GTF2I: variants seen among roughly 807,000 people sequenced by gnomAD.
GTF2I encodes general transcription factor IIi, also known as general transcription factor II-I.
A neutral mutation model predicts 67.6 loss-of-function variants in GTF2I; 12 were observed. The ratio of observed to expected loss-of-function variants is 0.18; its 90% CI spans 0.11 to 0.29. The LOEUF (loss-of-function observed/expected upper bound fraction) is 0.29. GTF2I is among the 10% of genes least tolerant of loss of function. The pLI is 1.00. For synonymous variants in GTF2I, 149 were observed against 197.0 expected (o/e 0.76, Z 2.04); for missense variants, 271 against 580.1 (o/e 0.47, Z 5.47).
intron 6 of GTF2I, among the ~76,000 whole-genome samples, chr7:74,702,508 C>T (rs117258034): frequency 6.6e-6 from 1 of 152,202 alleles, no homozygotes; most frequent in East Asian, 1.9e-4. Flanking sequence ...AGGCGTGAGC[C>T]ATCGCGCCCT....
intron 1 of GTF2I, among the ~76,000 whole-genome samples, chr7:74,673,793 G>A (rs148084628): frequency 0.035 from 5,144 of 146,268 alleles, 107 homozygotes; most frequent in Non-Finnish European, 0.047. Context: ...CGATTCTCCC[G>A]CCTCAGCCTC....
chr7:74,674,774 C>A (rs1554391841), intron 1 of GTF2I, among the ~76,000 whole-genome samples: 1 of 151,120 alleles, frequency 6.6e-6, no homozygotes, highest in African/African-American at 2.4e-5. Flanking sequence ...CTTGAACTCC[C>A]AACCTCAGGT....
intron 1 of GTF2I, among the ~76,000 whole-genome samples, chr7:74,682,088 A>T (rs1787326325): frequency 6.6e-6 from 1 of 152,186 alleles, no homozygotes; most frequent in Admixed American, 6.6e-5. Context: ...ATCTAGCTAT[A>T]TGTGGAGCCA....
intron 14 of GTF2I, among the ~76,000 whole-genome samples, chr7:74,731,299 A>G (rs1381832352): frequency 7.1e-6 from 1 of 141,744 alleles, no homozygotes; most frequent in Non-Finnish European, 1.5e-5. Context: ...AATTGCTATA[A>G]GTGAAAATTT....
intron 1 of GTF2I, among the ~76,000 whole-genome samples, chr7:74,681,463 A>AAAAATGGG (rs1210854121): frequency 1.3e-5 from 2 of 152,040 alleles, no homozygotes; most frequent in African/African-American, 2.4e-5. Context: ...AAAAAGAAAA[A>AAAAATGGG]AAAATGGGAA....
At chr7:74,666,530 C>CCT (rs201048132) in intron 1 of GTF2I, among the ~76,000 whole-genome samples, 5 of 151,812 alleles carry the variant, frequency 3.3e-5, no homozygotes, top group South Asian at 4.2e-4. Flanking sequence ...TTTTCCCCCC[C>CCT]GGTAAGCATT....
rs75078753 is a variant in GTF2I, at chr7:74,664,741, A to G, written c.-6+6673A>G. 2.8e-4 allele frequency among the ~76,000 whole-genome samples: 43 copies of G among 151,400 alleles called. No homozygotes were observed. In the East Asian group the frequency reaches 8.3e-3, roughly 29 times the overall value. The stretch of plus-strand genomic sequence containing the variant: ...AGCCACCACGCCTGGCCAACACTCT[A>G]TGTAGGATTTTTAAAGAACTAGTTA... On this transcript the variant is annotated intron_variant, in intron 1 of 34. Transcript: ENST00000573035.
chr7:74,661,666 C>T (rs1232146773), intron 1 of GTF2I, among the ~76,000 whole-genome samples: 1 of 140,932 alleles, frequency 7.1e-6, no homozygotes, highest in Non-Finnish European at 1.5e-5. Flanking sequence ...GGCGACAGAG[C>T]GAGACTGTGT....
chr7:74,662,204 C>CTT (rs59914241), intron 1 of GTF2I, among the ~76,000 whole-genome samples: 8 of 82,588 alleles, frequency 9.7e-5, no homozygotes, highest in Non-Finnish European at 1.3e-4. Context: ...TTTTTTCTTT[C>CTT]TTTTTTTTTT....
intron 2 of GTF2I, 121 bp from the exon 3 acceptor site, chr7:74,690,852 C>A: frequency 1.1e-6 from 1 of 946,728 alleles, no homozygotes; most frequent in Non-Finnish European, 1.6e-6. Context: ...AAAATCAGGC[C>A]AAAAACTATC....
chr7:74,716,853 G>A (rs1792328608), intron 10 of GTF2I, 41 bp from the exon 11 acceptor site: 2 of 1,351,652 alleles, frequency 1.5e-6, no homozygotes, highest in East Asian at 4.6e-5. Context: ...TTCAATGTCA[G>A]TTTTTATTGG....
intron 1 of GTF2I, among the ~76,000 whole-genome samples, chr7:74,658,960 A>G (rs1554385081): frequency 6.6e-6 from 1 of 151,882 alleles, no homozygotes; most frequent in Non-Finnish European, 1.5e-5. Context: ...TCGTGTAGCG[A>G]ATTTTGTCCT....
intron 28 of GTF2I, among the ~76,000 whole-genome samples, 164 bp from the exon 29 acceptor site, chr7:74,752,930 G>A (rs1402555058): frequency 4.1e-5 from 6 of 146,086 alleles, no homozygotes; most frequent in Non-Finnish European, 7.5e-5. Context: ...ATTGAGCAGC[G>A]GCTTGTACCT....
rs201241821 is a variant in GTF2I at position 74,676,009 on chromosome 7, A to AAAAC, written c.-5-13094_-5-13091dup. ...TGGGTGACAGAGCAAGACTCCATCT[A>AAAAC]AAACAAACAAACAAACAAACAAACC... On this transcript the variant is annotated intron_variant, in intron 1 of 34. Coordinates refer to ENST00000573035, the MANE Select transcript of GTF2I (RefSeq NM_032999.4). Among the ~76,000 whole-genome samples the AAAAC allele has an allele frequency of 1.5e-3, 223 of 151,944 alleles. 1 individual carries two copies. Among genetic ancestry groups the AAAAC allele is most frequent in the African/African-American group, 4.5e-3 (188 of 41,480 alleles).
At chr7:74,722,365 A>G (rs1418945895) in intron 12 of GTF2I, among the ~76,000 whole-genome samples, 3 of 152,164 alleles carry the variant, frequency 2.0e-5, no homozygotes, top group Admixed American at 6.5e-5. Context: ...CACCGTGACT[A>G]CATTTCTGGG....
At chr7:74,671,899 G>T (rs1045859411) in intron 1 of GTF2I, among the ~76,000 whole-genome samples, 2 of 151,886 alleles carry the variant, frequency 1.3e-5, no homozygotes, top group Non-Finnish European at 2.9e-5. Flanking sequence ...TGGGAGGATT[G>T]CTTGAGCCCA....
chr7:74,702,545 C>G (rs1490974647), intron 6 of GTF2I, among the ~76,000 whole-genome samples: 1 of 152,060 alleles, frequency 6.6e-6, no homozygotes, highest in Non-Finnish European at 1.5e-5. Context: ...AAGAAACTGA[C>G]AAGCTGTTTT....
intron 10 of GTF2I, among the ~76,000 whole-genome samples, chr7:74,715,282 C>A (rs1792118237): frequency 6.6e-6 from 1 of 151,944 alleles, no homozygotes; most frequent in African/African-American, 2.4e-5. Context: ...TAGAAGAATT[C>A]TGAAATAGCA....
Position 74,691,928 on chromosome 7 carries a change from C to T in GTF2I, c.238+817C>T, listed in dbSNP as rs782258444. On this transcript the variant is annotated intron_variant, in intron 3 of 34. Transcript: ENST00000573035. ...AGTAGCTGGGATTACAGGTGCCCAC[C>T]ACCATGCCTGGCTAATTTTTGTAAT... 3.3e-5 allele frequency among the ~76,000 whole-genome samples: 5 copies of T among 152,042 alleles called. No individual in the cohort carries two copies. The East Asian group carries it at 9.7e-4, about 29-fold the overall frequency.
Sources: gnomAD v4.1 joint callset for allele counts (sites outside exome capture counted in the v4.1 genomes callset) on GRCh38, gnomAD v4.1.1 for gene constraint, MANE v1.5 for transcripts, NCBI Gene and HGNC (gene_info 2026-07-23, HGNC 2026-07-21) for gene names.